GPR89B: variants seen among roughly 807,000 people sequenced by gnomAD.
The protein encoded by GPR89B is golgi pH regulator B.
A neutral mutation model predicts 52.4 loss-of-function variants in GPR89B; 25 were observed. The observed-to-expected ratio is 0.48, with a 90% CI of 0.35 to 0.67. GPR89B has a LOEUF of 0.67. GPR89B is among the 30% of genes least tolerant of loss of function. The pLI, the probability that GPR89B is intolerant of heterozygous loss-of-function variation, is 0.01. For missense variants in GPR89B, 146 were observed against 450.2 expected (o/e 0.32, Z 6.11); for synonymous variants, 52 against 151.2 (o/e 0.34, Z 4.81).
intron 2 of GPR89B, among the ~76,000 whole-genome samples, chr1:147,938,090 G>T (rs587754146): frequency 1.2e-4 from 19 of 152,072 alleles, no homozygotes; most frequent in African/African-American, 4.3e-4. Flanking sequence ...TCCATTCGGG[G>T]TCCCTGACTT....
chr1:147,971,266 C>T (rs1460591674), intron 10 of GPR89B, among the ~76,000 whole-genome samples: 4 of 151,546 alleles, frequency 2.6e-5, no homozygotes, highest in African/African-American at 9.8e-5. Flanking sequence ...TCTCCTGCCT[C>T]AGCCTCCCGA....
chr1:147,934,343 A>T (rs1553247533), intron 1 of GPR89B, among the ~76,000 whole-genome samples: 1 of 152,054 alleles, frequency 6.6e-6, no homozygotes, highest in East Asian at 1.9e-4. Flanking sequence ...TAGCTAGCTA[A>T]TTTTTGTATT....
At chr1:147,933,114 T>A (rs587676136) in intron 1 of GPR89B, among the ~76,000 whole-genome samples, 1 of 152,288 alleles carries the variant, frequency 6.6e-6, no homozygotes, top group African/African-American at 2.4e-5. Flanking sequence ...GTTCATCCTC[T>A]AGTATTCCAC....
intron 10 of GPR89B, among the ~76,000 whole-genome samples, chr1:147,971,140 C>A (rs1657430179): frequency 6.6e-6 from 1 of 151,180 alleles, no homozygotes; most frequent in East Asian, 1.9e-4. Context: ...TAAGATGCAG[C>A]GTTTAGGGAA....
In GPR89B at chr1:147,989,834, A is replaced by T. The variant is rs1194165739; in HGVS notation, c.1095+1313A>T. On this transcript the variant is annotated intron_variant, in intron 12 of 13. Coordinates refer to ENST00000314163, the MANE Select transcript of GPR89B (RefSeq NM_016334.5). ...ATTTTCTTAATCCAGTCTATCATTG[A>T]TGGACATTTGGGTTGGTTCCAAGTC... Among the ~76,000 whole-genome samples the T allele has an allele frequency of 2.0e-4, 31 of 152,134 alleles. No homozygotes were observed. In the East Asian group the frequency reaches 2.3e-3, roughly 11 times the overall value.
intron 1 of GPR89B, among the ~76,000 whole-genome samples, chr1:147,933,312 T>C (rs2149033126): frequency 6.6e-6 from 1 of 152,238 alleles, no homozygotes; most frequent in African/African-American, 2.4e-5. Flanking sequence ...TCTGACCTGC[T>C]ACACTCTGGT....
chr1:147,949,858 C>A (rs1192173793), intron 5 of GPR89B, among the ~76,000 whole-genome samples: 1 of 139,416 alleles, frequency 7.2e-6, no homozygotes, highest in African/African-American at 2.9e-5. Flanking sequence ...CTCCTCACTT[C>A]CCAGTAGGGG....
chr1:147,967,434 TAAAAA>T (rs1657114993), intron 8 of GPR89B: 1 of 151,200 alleles, frequency 6.6e-6, no homozygotes, highest in African/African-American at 2.5e-5. Context: ...TGTCTCAAAA[TAAAAA>T]AGAAAGGATA....
intron 10 of GPR89B, among the ~76,000 whole-genome samples, chr1:147,974,181 AAATAGT>A (rs1657674431): frequency 4.9e-5 from 7 of 143,090 alleles, no homozygotes; most frequent in African/African-American, 1.8e-4. Flanking sequence ...TTGAATTTTA[AAATAGT>A]TTTTTTCTAA....
chr1:147,992,546 C>T lies in GPR89B; in HGVS notation c.1140C>T (p.Val380=). The T allele has an allele frequency of 1.2e-6, 2 of 1,611,630 alleles. No homozygotes were observed. The highest frequency in any genetic ancestry group is 1.7e-6 in the Non-Finnish European group (2 of 1,179,620). ...ISSSKSSNVI[V]LLLAQIMGMY... is the part of the protein sequence containing the mutation. ...GCAGTAAGTCCTCCAATGTCATTGT[C>T]CTGCTATTAGCACAGATAATGGTAA... is the stretch of plus-strand genomic sequence containing the variant. Residue 380 remains valine (V), a synonymous_variant, in exon 13 of 14, where the codon GTC becomes GTT. Transcript: ENST00000314163.
intron 3 of GPR89B, among the ~76,000 whole-genome samples, chr1:147,940,247 C>CA (rs1230095696): frequency 6.6e-5 from 10 of 151,674 alleles, no homozygotes; most frequent in African/African-American, 1.9e-4. Flanking sequence ...ACTAAAAATA[C>CA]AAAAAATTAG....
intron 1 of GPR89B, among the ~76,000 whole-genome samples, chr1:147,929,254 CTG>C (rs1244029035): frequency 6.7e-6 from 1 of 150,320 alleles, no homozygotes; most frequent in African/African-American, 2.5e-5. Flanking sequence ...ATATAAAGCT[CTG>C]AGCGTAAAAA....
intron 10 of GPR89B, among the ~76,000 whole-genome samples, chr1:147,984,583 C>G (rs1202792251): frequency 1.1e-4 from 16 of 151,150 alleles, no homozygotes; most frequent in African/African-American, 3.6e-4. Flanking sequence ...TTTTGAGTCT[C>G]TTTTTCTAAT....
the GPR89B span, among the ~76,000 whole-genome samples, chr1:148,023,092 C>G: frequency 6.6e-6 from 1 of 151,442 alleles, no homozygotes; most frequent in Non-Finnish European, 1.5e-5. Context: ...CTCCCTCCCT[C>G]CCTACCTACC....
the GPR89B span, among the ~76,000 whole-genome samples, chr1:148,001,949 G>T: frequency 6.6e-6 from 1 of 151,490 alleles, no homozygotes; most frequent in African/African-American, 2.4e-5. Context: ...TGGCATTTTA[G>T]TAGCAATTGG....
chr1:147,981,289 G>A (rs1658226780), intron 10 of GPR89B, among the ~76,000 whole-genome samples: 11 of 149,192 alleles, frequency 7.4e-5, no homozygotes, highest in Admixed American at 7.3e-4. Flanking sequence ...GAAACAAAGG[G>A]AAACCCCATT....
the GPR89B span, among the ~76,000 whole-genome samples, chr1:148,019,641 A>G: frequency 7.2e-5 from 11 of 152,106 alleles, no homozygotes; most frequent in African/African-American, 1.2e-4. Context: ...CAACAAAAAG[A>G]ACGGTGCAAA....
chr1:147,936,865 A>T (rs587721778), intron 2 of GPR89B, among the ~76,000 whole-genome samples, 179 bp downstream of exon 2: 1 of 152,256 alleles, frequency 6.6e-6, no homozygotes, highest in Admixed American at 6.5e-5. Context: ...AGGGGGGAAA[A>T]AAGGCAAATC....
chr1:148,016,887 A>C, the GPR89B span, among the ~76,000 whole-genome samples: 1 of 151,152 alleles, frequency 6.6e-6, no homozygotes, highest in Non-Finnish European at 1.5e-5. Flanking sequence ...TTCATTTTGC[A>C]TATTTTCAAT....
Sources: gnomAD v4.1 joint callset for allele counts (sites outside exome capture counted in the v4.1 genomes callset) on GRCh38, gnomAD v4.1.1 for gene constraint, MANE v1.5 for transcripts, NCBI Gene and HGNC (gene_info 2026-07-23, HGNC 2026-07-21) for gene names.